NAALADL2: variants seen among roughly 807,000 people sequenced by gnomAD.
NAALADL2 encodes the protein inactive N-acetylated-alpha-linked acidic dipeptidase-like protein 2.
Under a neutral mutation model 87.2 loss-of-function variants are expected in NAALADL2, and 76 were observed. The observed-to-expected ratio is 0.87, with a 90% CI of 0.72 to 1.05. The LOEUF (loss-of-function observed/expected upper bound fraction) is 1.05, where lower values mean the gene tolerates loss of function less well. Ranked by LOEUF, NAALADL2 falls within the 50% of genes least tolerant of loss-of-function variation. NAALADL2 has a pLI of 0.00. For missense variants in NAALADL2, 1,089 were observed against 945.8 expected, an observed-to-expected ratio of 1.15 and a Z score of -1.99; for synonymous variants, 354 against 331.0, an observed-to-expected ratio of 1.07 and a Z score of -0.75.
chr3:175,665,389 A>T (rs890447001), intron 11 of NAALADL2, among the ~76,000 whole-genome samples: 1 of 152,238 alleles, frequency 6.6e-6, no homozygotes, highest in Non-Finnish European at 1.5e-5. Context: ...AAACCAAAAA[A>T]CGTGAATTAA....
chr3:175,356,604 AATAAT>A (rs1406356946), intron 5 of NAALADL2, among the ~76,000 whole-genome samples: 7,615 of 147,686 alleles, frequency 0.052, 319 homozygotes, highest in African/African-American at 0.11. Context: ...TAATAATAAT[AATAAT>A]AAAGAAATAA....
chr3:174,759,452 G>T (rs1156407528), intron 3 of NAALADL2, among the ~76,000 whole-genome samples: 7 of 152,158 alleles, frequency 4.6e-5, no homozygotes, highest in Non-Finnish European at 8.8e-5. Context: ...TAAAAATGCA[G>T]ATCTAACGAT....
chr3:175,174,834 A>G (rs1735458416), intron 2 of NAALADL2, among the ~76,000 whole-genome samples: 1 of 65,680 alleles, frequency 1.5e-5, no homozygotes, highest in African/African-American at 3.7e-5. Context: ...ACACACACAC[A>G]TGCACACAGA....
chr3:174,908,732 A>G (rs980734545), intron 1 of NAALADL2, among the ~76,000 whole-genome samples: 3 of 152,084 alleles, frequency 2.0e-5, no homozygotes, highest in Non-Finnish European at 4.4e-5. Flanking sequence ...TTAAGTTTTT[A>G]TTTTAGTTTA....
At chr3:175,271,868 C>T (rs1752892816) in intron 4 of NAALADL2, among the ~76,000 whole-genome samples, 1 of 152,150 alleles carries the variant, frequency 6.6e-6, no homozygotes, top group African/African-American at 2.4e-5. Context: ...CATAAATAAT[C>T]TTATAAAATA....
chr3:175,437,361 G>A (rs2149186262), intron 5 of NAALADL2, among the ~76,000 whole-genome samples: 1 of 146,136 alleles, frequency 6.8e-6, no homozygotes, highest in East Asian at 2.0e-4. Context: ...TTGCTTCCAA[G>A]AGAATAAAAT....
At chr3:174,984,734 T>C (rs1036888782) in intron 1 of NAALADL2, among the ~76,000 whole-genome samples, 1 of 152,124 alleles carries the variant, frequency 6.6e-6, no homozygotes, top group Non-Finnish European at 1.5e-5. Flanking sequence ...TGAAGTAAAC[T>C]TGAAGAAGGT....
At chr3:175,116,837 C>T (rs576221304) in intron 2 of NAALADL2, among the ~76,000 whole-genome samples, 47 of 152,196 alleles carry the variant, frequency 3.1e-4, no homozygotes, top group Non-Finnish European at 1.2e-4. Flanking sequence ...AAGCTGGAGG[C>T]ATCACACTAC....
At chr3:175,780,608 C>G (rs1381029262) in intron 13 of NAALADL2, among the ~76,000 whole-genome samples, 1 of 152,024 alleles carries the variant, frequency 6.6e-6, no homozygotes, top group Non-Finnish European at 1.5e-5. Context: ...ATCCTCAAAG[C>G]CTTTATTTAT....
At chr3:174,957,208 C>A (rs1481688066) in intron 1 of NAALADL2, among the ~76,000 whole-genome samples, 1 of 152,002 alleles carries the variant, frequency 6.6e-6, no homozygotes, top group East Asian at 1.9e-4. Flanking sequence ...CCGAGACTTC[C>A]TTGATAGCCA....
At chr3:175,703,519 G>A (rs1165282562) in intron 11 of NAALADL2, among the ~76,000 whole-genome samples, 1 of 152,134 alleles carries the variant, frequency 6.6e-6, no homozygotes, top group Non-Finnish European at 1.5e-5. Context: ...GAGGCGGGCG[G>A]ATCACCTGAG....
intron 2 of NAALADL2, among the ~76,000 whole-genome samples, chr3:175,197,683 T>C (rs1560150280): frequency 6.6e-6 from 1 of 152,040 alleles, no homozygotes; most frequent in Non-Finnish European, 1.5e-5. Flanking sequence ...CCAGGCATTC[T>C]TATCAACATC....
intron 11 of NAALADL2, among the ~76,000 whole-genome samples, chr3:175,693,624 T>G (rs1320592059): frequency 6.6e-6 from 1 of 152,040 alleles, no homozygotes; most frequent in Non-Finnish European, 1.5e-5. Flanking sequence ...GTAGCTCCAT[T>G]TAGAATAAAA....
chr3:175,717,458 G>A (rs138620232), intron 11 of NAALADL2, among the ~76,000 whole-genome samples: 2,328 of 152,072 alleles, frequency 0.015, 53 homozygotes, highest in African/African-American at 0.051. Context: ...TTGGGAGGCC[G>A]AGGAAGGAGG....
intron 9 of NAALADL2, among the ~76,000 whole-genome samples, chr3:175,492,473 C>T (rs61064320): frequency 0.07 from 10,676 of 152,124 alleles, 442 homozygotes; most frequent in South Asian, 0.15. Flanking sequence ...ATGATAAGTG[C>T]CATTCAAAGG....
chr3:175,125,568 G>A (rs1379087318), intron 2 of NAALADL2, among the ~76,000 whole-genome samples: 1 of 152,076 alleles, frequency 6.6e-6, no homozygotes, highest in African/African-American at 2.4e-5. Flanking sequence ...CATATGGAAT[G>A]TGAGAGAAAA....
Position 174,715,234 on chromosome 3 carries a change from A to G in NAALADL2, c.-114-22407A>G, listed in dbSNP as rs139183276. Among the ~76,000 whole-genome samples, 44 of 152,268 alleles carry G rather than the reference A, an allele frequency of 2.9e-4. No homozygotes were observed. In the East Asian group the frequency reaches 7.7e-3, roughly 27 times the overall value. ...TACCTTCCAACTATTTTTTTAGGCT[A>G]GTTCTTTTAGATATCTAGGCACATA... On this transcript the variant is annotated intron_variant, in intron 2 of 3. Transcript: ENST00000434257.
At chr3:174,890,611 A>C (rs1730748150) in intron 1 of NAALADL2, among the ~76,000 whole-genome samples, 1 of 152,186 alleles carries the variant, frequency 6.6e-6, no homozygotes, top group Middle Eastern at 3.2e-3. Context: ...AGGGAATTAC[A>C]AATTGCCCAG....
At chr3:175,427,134 A>G (rs1370693825) in intron 5 of NAALADL2, among the ~76,000 whole-genome samples, 2 of 152,202 alleles carry the variant, frequency 1.3e-5, no homozygotes, top group Non-Finnish European at 2.9e-5. Context: ...TCTTGAATAT[A>G]TGCTGTTCTT....
Sources: allele counts gnomAD v4.1 joint callset (sites outside exome capture counted in the v4.1 genomes callset), GRCh38; gene constraint gnomAD v4.1.1; transcripts MANE v1.5; gene names NCBI Gene and HGNC (gene_info 2026-07-23, HGNC 2026-07-21).